Variants in STATH observed in about 807,000 individuals in gnomAD.
STATH encodes statherin.
Under a neutral mutation model 13.3 loss-of-function variants are expected in STATH, and 11 were observed. The ratio of observed to expected loss-of-function variants is 0.83; its 90% CI spans 0.52 to 1.37. The LOEUF (loss-of-function observed/expected upper bound fraction) is 1.37, where lower values mean the gene tolerates loss of function less well. Among genes scored for constraint, STATH ranks in the 40% most tolerant of loss-of-function variants. The pLI is 0.00. For synonymous variants in STATH, 25 were observed against 23.6 expected, an observed-to-expected ratio of 1.06 and a Z score of -0.17; for missense variants, 78 against 73.3, an observed-to-expected ratio of 1.06 and a Z score of -0.24.
In STATH at chr4:70,000,070, T is replaced by C. The variant is rs1724614707; in HGVS notation, c.102+261T>C. 1.1e-5 allele frequency: 5 copies of C among 440,362 alleles called. No individual in the cohort carries two copies. In the East Asian group the frequency reaches 1.8e-4, roughly 16 times the overall value. The allele number at this position is 440,362 out of a possible 1,614,324, so 27.3% of individuals were successfully genotyped here. A position where few individuals can be genotyped will look rare whatever the true frequency, so the allele number is the denominator to read the frequency against. ...AAGTATCATCTCCTAAGTAATCACT[T>C]TGACCTAAAAAATAGTTGAAATTCT... On this transcript the variant is annotated intron_variant, in intron 4 of 5. Coordinates refer to ENST00000246895, the MANE Select transcript of STATH (RefSeq NM_003154.3).
chr4:69,996,927 CTT>C (rs34282662), intron 1 of STATH, among the ~76,000 whole-genome samples: 2,831 of 107,588 alleles, frequency 0.026, 108 homozygotes, highest in African/African-American at 0.092. Context: ...CAGAAATTTC[CTT>C]TTTTTTTTTT....
At chr4:70,002,091 T>G (rs984648784) in intron 5 of STATH, 98 bp from the exon 6 acceptor site, 1 of 151,750 alleles carries the variant, frequency 6.6e-6, no homozygotes, top group African/African-American at 2.4e-5. Context: ...TAAACTATAA[T>G]TGTATATAAT....
chr4:69,999,941 T>C (rs1724610892), intron 4 of STATH, 132 bp downstream of exon 4: 2 of 999,132 alleles, frequency 2.0e-6, no homozygotes, highest in Non-Finnish European at 1.5e-6. Flanking sequence ...TTTTCCTCTA[T>C]TTATGATACA....
chr4:69,996,927 CT>C (rs34282662), intron 1 of STATH, among the ~76,000 whole-genome samples: 60,675 of 107,548 alleles, frequency 0.56, 16,038 homozygotes, highest in East Asian at 0.79. Context: ...CAGAAATTTC[CT>C]TTTTTTTTTT....
chr4:69,998,385 GA>G, intron 1 of STATH, 37 bp from the exon 2 acceptor site: 2 of 1,549,162 alleles, frequency 1.3e-6, no homozygotes, highest in South Asian at 1.1e-5. Context: ...GCGAATGCAA[GA>G]AAAAATGTGA....
chr4:69,998,565 A>G, intron 2 of STATH, 77 bp downstream of exon 2: 1 of 1,330,938 alleles, frequency 7.5e-7, no homozygotes, highest in Non-Finnish European at 1.0e-6. Context: ...GTGTTCTGGC[A>G]TATATTGGTG....
chr4:69,997,132 G>T (rs2109679829), intron 1 of STATH, among the ~76,000 whole-genome samples: 1 of 151,862 alleles, frequency 6.6e-6, no homozygotes, highest in South Asian at 2.1e-4. Flanking sequence ...TTTTAGTAGA[G>T]ACGGGGTTTC....
rs2109682320 is a variant in STATH, at chr4:69,999,692, G to T, written c.72+5G>T. On this transcript the variant is annotated splice_donor_5th_base_variant and intron_variant, in intron 3 of 5. Transcript: ENST00000246895. ...GGAGCTGATTCATCTGAAGAGGTGA[G>T]TCATTTTCATTCACTGGAAAACTTG... 2 of 1,611,294 alleles carry T rather than the reference G, an allele frequency of 1.2e-6. No individual in the cohort carries two copies. Among genetic ancestry groups the T allele is most frequent in the East Asian group, 4.5e-5 (2 of 44,732 alleles).
intron 5 of STATH, among the ~76,000 whole-genome samples, chr4:70,001,256 T>A (rs1241915835): frequency 6.6e-6 from 1 of 151,818 alleles, no homozygotes; most frequent in African/African-American, 2.4e-5. Flanking sequence ...CTACTCCTAA[T>A]GCTCCTGAAC....
chr4:70,000,653 T>G (rs755321373), intron 4 of STATH: 3 of 492,522 alleles, frequency 6.1e-6, no homozygotes, highest in Non-Finnish European at 1.1e-5. Flanking sequence ...ACTGTGAACA[T>G]GCAGTACAAA....
intron 2 of STATH, among the ~76,000 whole-genome samples, chr4:69,999,461 T>A (rs1316775666): frequency 1.3e-5 from 2 of 151,914 alleles, no homozygotes; most frequent in African/African-American, 4.8e-5. Context: ...TAAATTTATA[T>A]TTGAATATAG....
intron 1 of STATH, 147 bp downstream of exon 1, chr4:69,996,172 G>A (rs1484868453): frequency 6.6e-6 from 1 of 152,038 alleles, no homozygotes; most frequent in African/African-American, 2.4e-5. Context: ...GACCTTCTTA[G>A]GATCTGAAGG....
intron 4 of STATH, chr4:70,000,128 G>C: frequency 3.7e-6 from 1 of 273,472 alleles, no homozygotes. Flanking sequence ...GCCTCATGGA[G>C]CATAAAGGCT....
chr4:69,999,428 C>T (rs937047507), intron 2 of STATH, among the ~76,000 whole-genome samples: 2 of 151,890 alleles, frequency 1.3e-5, no homozygotes, highest in Admixed American at 1.3e-4. Flanking sequence ...CCCTTTTACA[C>T]ACAAAACAAG....
In STATH at chr4:70,002,350, C is replaced by G. The variant is rs1170556250; in HGVS notation, c.*195C>G. Reference sequence around the variant, plus strand: ...AGGATACTTGCCTTTTCAATTGTCACTTGATGATATAATTGCAATTTAAAC... The same window carrying G: ...AGGATACTTGCCTTTTCAATTGTCAGTTGATGATATAATTGCAATTTAAAC... On this transcript the variant is annotated 3_prime_UTR_variant, in exon 6 of 6. Coordinates refer to ENST00000246895, the MANE Select transcript of STATH (RefSeq NM_003154.3). 1 of 151,650 alleles carries G rather than the reference C, an allele frequency of 6.6e-6. No individual in the cohort carries two copies. Among genetic ancestry groups the G allele is most frequent in the Non-Finnish European group, 1.5e-5 (1 of 67,758 alleles). The allele number at this position is 151,650 out of a possible 1,614,324, so 9.4% of individuals were successfully genotyped here. A position where few individuals can be genotyped will look rare whatever the true frequency, so the allele number is the denominator to read the frequency against.
chr4:69,998,368 T>C, intron 1 of STATH, 55 bp from the exon 2 acceptor site: 2 of 1,393,178 alleles, frequency 1.4e-6, no homozygotes. Flanking sequence ...CAATAAACTT[T>C]TGATGGGCGA....
chr4:70,000,785 T>A (rs535189348), intron 4 of STATH, 78 bp from the exon 5 acceptor site: 1 of 1,055,734 alleles, frequency 9.5e-7, no homozygotes, highest in East Asian at 2.4e-5. Context: ...ACTTTAACAA[T>A]CTAAGCTTCT....
chr4:69,998,477 G>A lies in STATH; in HGVS notation c.40G>A (p.Val14Ile). 6.2e-7 allele frequency: 1 copy of A among 1,612,264 alleles called. No homozygotes were observed. The highest frequency in any genetic ancestry group is 8.5e-7 in the Non-Finnish European group (1 of 1,178,910). Residue 14 changes from valine to isoleucine, a missense_variant, in exon 2 of 6, where the codon GTT (valine) becomes ATT (isoleucine). Physicochemically the swap from Val to Ile is conservative, Grantham distance 29. Transcript: ENST00000246895. The stretch of plus-strand genomic sequence containing the variant: ...CTTTGCCTTCATCTTGGCTCTCATG[G>A]TTTCCATGATTGTAAGTATATCAGG... Reference protein sequence around the residue: ...LVFAFILALMVSMIGADSSEE... With the variant: ...LVFAFILALMISMIGADSSEE...
chr4:70,000,871 T>C lies in STATH; in HGVS notation c.111T>C (p.Tyr37=), dbSNP rs1483667383. 6.2e-7 allele frequency: 1 copy of C among 1,611,918 alleles called. No individual in the cohort carries two copies. The highest frequency in any genetic ancestry group is 2.2e-5 in the East Asian group (1 of 44,822). Residue 37 remains tyrosine, a synonymous_variant, in exon 5 of 6, where the codon TAT becomes TAC. Coordinates refer to ENST00000246895, the MANE Select transcript of STATH (RefSeq NM_003154.3). ...TCCTTGTGTGTATACAGTATGGGTA[T>C]GGCCCTTATCAGCCAGTTCCAGAAC... ...LRRIGRFGYG[Y]GPYQPVPEQP...
Sources: allele counts gnomAD v4.1 joint callset (sites outside exome capture counted in the v4.1 genomes callset), GRCh38; gene constraint gnomAD v4.1.1; transcripts MANE v1.5; gene names NCBI Gene and HGNC (gene_info 2026-07-23, HGNC 2026-07-21).